TNFSF4: variants seen among roughly 807,000 people sequenced by gnomAD.
TNFSF4 encodes the protein TNF superfamily member 4.
Under a neutral mutation model 7.3 loss-of-function variants are expected in TNFSF4, and 4 were observed. The observed-to-expected ratio is 0.55, with a 90% confidence interval of 0.27 to 1.25. The LOEUF is 1.25. Ranked by LOEUF, TNFSF4 falls within the 50% of genes most tolerant of loss-of-function variation. TNFSF4 has a pLI of 0.12. For synonymous variants in TNFSF4, 76 were observed against 83.7 expected, an observed-to-expected ratio of 0.91 and a Z score of 0.50; for missense variants, 181 against 208.8, an observed-to-expected ratio of 0.87 and a Z score of 0.82.
At chr1:173,394,868 C>T in the TNFSF4 span, among the ~76,000 whole-genome samples, 1 of 151,986 alleles carries the variant, frequency 6.6e-6, no homozygotes, top group Non-Finnish European at 1.5e-5. Context: ...TCACCCTCCA[C>T]AATCATGTGA....
chr1:173,396,631 G>GA, the TNFSF4 span, among the ~76,000 whole-genome samples: 1 of 152,210 alleles, frequency 6.6e-6, no homozygotes, highest in Non-Finnish European at 1.5e-5. Flanking sequence ...CAAGGAATTA[G>GA]AAAGGGCTCT....
chr1:173,210,381 G>A (rs530389423), upstream of TNFSF4, among the ~76,000 whole-genome samples: 5 of 152,258 alleles, frequency 3.3e-5, no homozygotes, highest in South Asian at 8.3e-4. Flanking sequence ...TGGGAGAAAC[G>A]AGAAGCAGTC....
chr1:173,315,643 A>C, the TNFSF4 span, among the ~76,000 whole-genome samples: 5 of 152,164 alleles, frequency 3.3e-5, no homozygotes, highest in South Asian at 8.3e-4. Context: ...AATCTTTGGC[A>C]ATTTTCTAAG....
At chr1:173,270,555 T>C in the TNFSF4 span, among the ~76,000 whole-genome samples, 33 of 152,218 alleles carry the variant, frequency 2.2e-4, no homozygotes, top group Non-Finnish European at 4.0e-4. Context: ...TAGGGAAATA[T>C]GGACTATTAT....
At chr1:173,429,762 G>C in the TNFSF4 span, among the ~76,000 whole-genome samples, 3 of 152,196 alleles carry the variant, frequency 2.0e-5, no homozygotes, top group Non-Finnish European at 4.4e-5. Context: ...GTGAGCTTTT[G>C]CAATATCCTC....
At chr1:173,336,891 A>T in the TNFSF4 span, among the ~76,000 whole-genome samples, 2 of 152,048 alleles carry the variant, frequency 1.3e-5, no homozygotes, top group African/African-American at 4.8e-5. Context: ...CCACCAAAAA[A>T]AAAGGCACAA....
chr1:173,235,213 T>C, the TNFSF4 span, among the ~76,000 whole-genome samples: 1 of 152,210 alleles, frequency 6.6e-6, no homozygotes, highest in African/African-American at 2.4e-5. Context: ...TGCTCTTTAG[T>C]TCAGCTAAAA....
rs546237461 is a variant in TNFSF4, at chr1:173,201,987, T to C, written c.153+5037A>G. Among the ~76,000 whole-genome samples the C allele has an allele frequency of 6.8e-4, 103 of 152,174 alleles. No individual in the cohort carries two copies. The South Asian group carries it at 9.3e-3, about 14-fold the overall frequency. On this transcript the variant is annotated intron_variant, in intron 1 of 2. Coordinates refer to ENST00000281834, the MANE Select transcript of TNFSF4 (RefSeq NM_003326.5). ...GATGCAAAAGGATTAACTTTCATTT[T>C]CCATGAATGGAGAATCCCTGAAGTG...
chr1:173,175,077 A>T, the TNFSF4 span: 1 of 152,246 alleles, frequency 6.6e-6, no homozygotes, highest in East Asian at 1.9e-4. Context: ...GTAATTAAAA[A>T]TTATTAAATA....
chr1:173,343,899 C>A, the TNFSF4 span, among the ~76,000 whole-genome samples: 1 of 151,954 alleles, frequency 6.6e-6, no homozygotes, highest in Non-Finnish European at 1.5e-5. Flanking sequence ...GAAGTACTGA[C>A]AATGGAAATA....
the TNFSF4 span, among the ~76,000 whole-genome samples, chr1:173,416,986 A>G: frequency 6.6e-6 from 1 of 152,172 alleles, no homozygotes; most frequent in African/African-American, 2.4e-5. Flanking sequence ...TAATCATCAC[A>G]ATATGGAGAT....
downstream of TNFSF4, among the ~76,000 whole-genome samples, chr1:173,180,136 T>C (rs938702400): frequency 6.6e-6 from 1 of 152,236 alleles, no homozygotes; most frequent in East Asian, 1.9e-4. Context: ...TACTTTTGAA[T>C]GAATGAACAA....
At chr1:173,362,921 T>G in the TNFSF4 span, 1 of 465,848 alleles carries the variant, frequency 2.1e-6, no homozygotes, top group African/African-American at 2.0e-5. Flanking sequence ...TATAATGTAC[T>G]CGTGCACCAA....
intron 1 of TNFSF4, among the ~76,000 whole-genome samples, chr1:173,203,963 G>A (rs1369042912): frequency 1.3e-5 from 2 of 152,154 alleles, no homozygotes; most frequent in Non-Finnish European, 2.9e-5. Context: ...GGTGACAGAA[G>A]CACTGAATTA....
chr1:173,394,989 T>TAGAC, the TNFSF4 span, among the ~76,000 whole-genome samples: 1 of 96,278 alleles, frequency 1.0e-5, no homozygotes, highest in South Asian at 4.0e-4. Flanking sequence ...AGAGGACACA[T>TAGAC]AGATAGATAG....
chr1:173,292,617 G>A, the TNFSF4 span, among the ~76,000 whole-genome samples: 4 of 151,436 alleles, frequency 2.6e-5, no homozygotes, highest in Admixed American at 6.6e-5. Context: ...TCTATTCAAC[G>A]TAGTACTGGA....
the TNFSF4 span, among the ~76,000 whole-genome samples, chr1:173,298,387 C>T: frequency 6.6e-6 from 1 of 151,910 alleles, no homozygotes; most frequent in African/African-American, 2.4e-5. Context: ...GTAATTCAGT[C>T]AGCTGATTTG....
the TNFSF4 span, among the ~76,000 whole-genome samples, chr1:173,373,351 T>C: frequency 6.6e-6 from 1 of 152,154 alleles, no homozygotes; most frequent in Non-Finnish European, 1.5e-5. Context: ...GAAATACCTA[T>C]GGAAGGACCC....
the TNFSF4 span, among the ~76,000 whole-genome samples, chr1:173,262,026 A>G: frequency 7.9e-5 from 12 of 152,322 alleles, no homozygotes; most frequent in South Asian, 1.7e-3. Flanking sequence ...AAGATACAAC[A>G]AAAAAGGAAA....
Sources: gnomAD v4.1 joint callset for allele counts (sites outside exome capture counted in the v4.1 genomes callset) on GRCh38, gnomAD v4.1.1 for gene constraint, MANE v1.5 for transcripts, NCBI Gene and HGNC (gene_info 2026-07-23, HGNC 2026-07-21) for gene names.